The following FBN2 variants were observed in gnomAD, a reference collection of about 807,000 sequenced individuals.
FBN2 encodes the protein fibrillin-2.
In FBN2, 105 loss-of-function variants were observed where a neutral mutation model predicts 355.6. That is an observed-to-expected ratio of 0.30 (90% CI 0.25 to 0.35). The LOEUF is 0.35. FBN2 is among the 10% of genes least tolerant of loss of function. The pLI is 1.00. For synonymous variants in FBN2, 1,350 were observed against 1,301.2 expected, an observed-to-expected ratio of 1.04 and a Z score of -0.81; for missense variants, 3,280 against 3,758.7, an observed-to-expected ratio of 0.87 and a Z score of 3.33.
intron 4 of FBN2, among the ~76,000 whole-genome samples, chr5:128,524,515 C>T (rs1458528507): frequency 1.3e-5 from 2 of 152,132 alleles, no homozygotes; most frequent in East Asian, 1.9e-4. Context: ...TAGAAGAATG[C>T]TTTCTAAGAA....
intron 48 of FBN2, among the ~76,000 whole-genome samples, chr5:128,299,618 G>A (rs1265677282): frequency 6.6e-6 from 1 of 152,150 alleles, no homozygotes; most frequent in Non-Finnish European, 1.5e-5. Flanking sequence ...TCTTTGACTA[G>A]GAAAGGGAAC....
At chr5:128,274,712 C>A in intron 59 of FBN2, 29 bp from the exon 60 acceptor site, 1 of 1,267,532 alleles carries the variant, frequency 7.9e-7, no homozygotes, top group Non-Finnish European at 1.2e-6. Context: ...CAGTGAAAAT[C>A]ACAGTAGACT....
At chr5:128,508,624 T>C (rs1756028762) in intron 5 of FBN2, among the ~76,000 whole-genome samples, 1 of 152,058 alleles carries the variant, frequency 6.6e-6, no homozygotes, top group African/African-American at 2.4e-5. Context: ...AGATTTAAAA[T>C]ACTAAGGAAA....
chr5:128,422,681 G>C (rs1261557843), intron 7 of FBN2, among the ~76,000 whole-genome samples: 3 of 152,158 alleles, frequency 2.0e-5, no homozygotes, highest in Non-Finnish European at 4.4e-5. Flanking sequence ...AATGGAGAAT[G>C]AATATGTAGT....
chr5:128,414,554 T>A (rs552795517), intron 7 of FBN2, among the ~76,000 whole-genome samples: 1 of 152,192 alleles, frequency 6.6e-6, no homozygotes, highest in Non-Finnish European at 1.5e-5. Flanking sequence ...ATTTCCATTT[T>A]TTATTTTTTG....
intron 4 of FBN2, among the ~76,000 whole-genome samples, chr5:128,526,066 G>T (rs1354293068): frequency 1.3e-5 from 2 of 151,908 alleles, no homozygotes; most frequent in African/African-American, 4.8e-5. Flanking sequence ...TCTTTAAATG[G>T]ATACTCCTAT....
intron 4 of FBN2, among the ~76,000 whole-genome samples, chr5:128,521,067 G>A (rs1269208927): frequency 1.3e-5 from 2 of 152,112 alleles, no homozygotes. Context: ...ACATGTATGC[G>A]TATGTTCATT....
chr5:128,383,273 G>A (rs1429804969), intron 11 of FBN2, among the ~76,000 whole-genome samples: 1 of 151,916 alleles, frequency 6.6e-6, no homozygotes, highest in Non-Finnish European at 1.5e-5. Context: ...AACAAAGGGT[G>A]ATGGTTATTA....
chr5:128,359,014 C>G (rs1408776024), intron 19 of FBN2, among the ~76,000 whole-genome samples: 1 of 152,086 alleles, frequency 6.6e-6, no homozygotes, highest in East Asian at 1.9e-4. Context: ...AAATAAACTT[C>G]AAAGCACATC....
intron 7 of FBN2, among the ~76,000 whole-genome samples, chr5:128,441,358 A>C (rs939553549): frequency 7.9e-5 from 12 of 152,200 alleles, no homozygotes; most frequent in Admixed American, 1.3e-4. Context: ...CTGGTCATCC[A>C]ACACCTTTGT....
chr5:128,309,903 A>G (rs1749985985), intron 40 of FBN2, 80 bp downstream of exon 40: 1 of 1,486,796 alleles, frequency 6.7e-7, no homozygotes, highest in African/African-American at 1.4e-5. Flanking sequence ...CAAACTTCCA[A>G]ACAATAATTC....
At chr5:128,270,912 T>C (rs895069976) in intron 62 of FBN2, among the ~76,000 whole-genome samples, 31 of 152,298 alleles carry the variant, frequency 2.0e-4, no homozygotes, top group African/African-American at 6.5e-4. Context: ...AACTGCCTAA[T>C]TGGTAATTTA....
At chr5:128,512,724 T>C (rs1364076297) in intron 5 of FBN2, among the ~76,000 whole-genome samples, 3 of 152,126 alleles carry the variant, frequency 2.0e-5, no homozygotes, top group African/African-American at 7.2e-5. Flanking sequence ...CAAGCCTTAT[T>C]TGTATGACTT....
At chr5:128,471,637 C>T (rs1345725477) in intron 5 of FBN2, among the ~76,000 whole-genome samples, 1 of 151,838 alleles carries the variant, frequency 6.6e-6, no homozygotes, top group Non-Finnish European at 1.5e-5. Flanking sequence ...TGAAACTGGC[C>T]TTAAAAACAA....
intron 19 of FBN2, among the ~76,000 whole-genome samples, chr5:128,358,607 T>C (rs150039251): frequency 1.3e-5 from 2 of 152,226 alleles, no homozygotes; most frequent in Non-Finnish European, 2.9e-5. Context: ...AGATTGTTTA[T>C]ACTGAGAAAA....
At chr5:128,388,304 C>G (rs183177811) in intron 11 of FBN2, among the ~76,000 whole-genome samples, 1 of 152,154 alleles carries the variant, frequency 6.6e-6, no homozygotes, top group Non-Finnish European at 1.5e-5. Flanking sequence ...TCTTGCCACC[C>G]TGTGCCTTTT....
chr5:128,380,236 G>A (rs1040700961), intron 11 of FBN2, among the ~76,000 whole-genome samples: 6 of 152,062 alleles, frequency 3.9e-5, no homozygotes, highest in Admixed American at 2.0e-4. Context: ...AGCATATAAA[G>A]TATAATAAAT....
chr5:128,450,448 G>A (rs1466644902), intron 6 of FBN2, among the ~76,000 whole-genome samples: 3 of 151,600 alleles, frequency 2.0e-5, no homozygotes, highest in Admixed American at 2.0e-4. Context: ...ACAGGTCAAA[G>A]AAAAAAAATC....
chr5:128,459,042 T>C (rs1754485038), intron 6 of FBN2, among the ~76,000 whole-genome samples: 1 of 151,240 alleles, frequency 6.6e-6, no homozygotes. Flanking sequence ...TTAATGAAAC[T>C]GATAGACTGC....
Sources: gnomAD v4.1 joint callset for allele counts (sites outside exome capture counted in the v4.1 genomes callset) on GRCh38, gnomAD v4.1.1 for gene constraint, MANE v1.5 for transcripts, NCBI Gene and HGNC (gene_info 2026-07-23, HGNC 2026-07-21) for gene names.